Variants in TYW1 observed in about 807,000 individuals in gnomAD.
The protein encoded by TYW1 is tRNA-yW synthesizing protein 1 homolog.
Under a neutral mutation model 96.2 loss-of-function variants are expected in TYW1, and 46 were observed. The observed-to-expected ratio is 0.48, with a 90% CI of 0.38 to 0.61. The LOEUF is 0.61. Among genes scored for constraint, TYW1 ranks in the 20% least tolerant of loss-of-function variants. TYW1 has a pLI of 0.00. For missense variants in TYW1, 684 were observed against 909.6 expected (o/e 0.75, Z 3.19); for synonymous variants, 274 against 323.0 (o/e 0.85, Z 1.63).
intron 12 of TYW1, among the ~76,000 whole-genome samples, chr7:67,113,879 T>C (rs1303894263): frequency 6.6e-6 from 1 of 152,154 alleles, no homozygotes; most frequent in Non-Finnish European, 1.5e-5. Context: ...CCTCAGGTGA[T>C]CCTCCTGTCT....
intron 15 of TYW1, among the ~76,000 whole-genome samples, chr7:67,199,145 C>T (rs1039926004): frequency 6.6e-6 from 1 of 151,658 alleles, no homozygotes; most frequent in African/African-American, 2.4e-5. Flanking sequence ...TGCAGTGACC[C>T]GTGATTATGC....
chr7:67,020,652 T>G (rs1287404484), intron 6 of TYW1, among the ~76,000 whole-genome samples: 4 of 152,416 alleles, frequency 2.6e-5, no homozygotes, highest in Admixed American at 2.6e-4. Context: ...GCACCTAATC[T>G]GACTCTTGAA....
At chr7:67,166,650 A>AT (rs933429435) in intron 13 of TYW1, among the ~76,000 whole-genome samples, 3 of 151,788 alleles carry the variant, frequency 2.0e-5, no homozygotes, top group African/African-American at 7.3e-5. Flanking sequence ...GAATATATGT[A>AT]TTTTTTCTTT....
chr7:67,152,291 G>A (rs1477108996), intron 13 of TYW1, among the ~76,000 whole-genome samples: 1 of 152,186 alleles, frequency 6.6e-6, no homozygotes, highest in African/African-American at 2.4e-5. Flanking sequence ...CTCGGAAACT[G>A]CTCTGCTAAG....
At chr7:67,017,248 G>T (rs1794057245) in intron 5 of TYW1, among the ~76,000 whole-genome samples, 1 of 152,274 alleles carries the variant, frequency 6.6e-6, no homozygotes, top group Middle Eastern at 3.4e-3. Flanking sequence ...CTCCCAAAGT[G>T]CTGGGATTAC....
intron 13 of TYW1, among the ~76,000 whole-genome samples, chr7:67,131,459 A>G (rs1426253265): frequency 2.0e-5 from 3 of 152,186 alleles, no homozygotes; most frequent in Non-Finnish European, 4.4e-5. Flanking sequence ...TGTGGACCTC[A>G]TTTCTATCCT....
At chr7:67,050,735 T>A (rs1419080634) in intron 8 of TYW1, among the ~76,000 whole-genome samples, 5 of 152,204 alleles carry the variant, frequency 3.3e-5, no homozygotes, top group African/African-American at 7.2e-5. Context: ...GATTTAAATT[T>A]ATCTTGCTAT....
intron 9 of TYW1, among the ~76,000 whole-genome samples, chr7:67,063,479 T>C (rs1795758420): frequency 6.6e-6 from 1 of 152,194 alleles, no homozygotes; most frequent in Admixed American, 6.6e-5. Flanking sequence ...GAAATAAAGC[T>C]GTCTTGTTTT....
intron 13 of TYW1, among the ~76,000 whole-genome samples, chr7:67,119,420 C>A (rs1389718831): frequency 1.3e-5 from 2 of 152,132 alleles, no homozygotes; most frequent in Non-Finnish European, 2.9e-5. Context: ...CATTTTTCAC[C>A]GTATTCCCCA....
rs564179976 is a variant in TYW1 at position 67,127,423 on chromosome 7, G to C, written c.1698+9805G>C. Among the ~76,000 whole-genome samples the C allele has an allele frequency of 3.3e-5, 5 of 152,204 alleles. No homozygotes were observed. In the East Asian group the frequency reaches 9.7e-4, roughly 29 times the overall value. On this transcript the variant is annotated intron_variant, in intron 13 of 15. Coordinates refer to ENST00000359626, the MANE Select transcript of TYW1 (RefSeq NM_018264.4). ...GATCCACCTGGCTCGGCCTCCCAAA[G>C]TGCTGGGATTATAGGCTTGACCCAC...
At chr7:67,100,199 G>C (rs1380246301) in intron 12 of TYW1, among the ~76,000 whole-genome samples, 1 of 152,048 alleles carries the variant, frequency 6.6e-6, no homozygotes, top group Non-Finnish European at 1.5e-5. Context: ...AGGATGATGA[G>C]GTTGGGTTGG....
intron 14 of TYW1, among the ~76,000 whole-genome samples, chr7:67,188,333 T>C (rs1378986654): frequency 3.9e-5 from 6 of 151,916 alleles, no homozygotes; most frequent in African/African-American, 1.4e-4. Flanking sequence ...AAAAAATTAA[T>C]AAATAACAAC....
chr7:67,060,137 G>A (rs1244123304), intron 9 of TYW1, among the ~76,000 whole-genome samples: 6 of 151,894 alleles, frequency 4.0e-5, no homozygotes, highest in East Asian at 1.9e-4. Flanking sequence ...GTACAGTGGC[G>A]TGATCTTGGC....
chr7:67,056,303 C>G (rs556711972), intron 9 of TYW1, among the ~76,000 whole-genome samples: 58 of 152,122 alleles, frequency 3.8e-4, no homozygotes, highest in African/African-American at 1.4e-3. Context: ...ACCAGCCTGG[C>G]CAAAATGGTG....
chr7:67,213,428 T>A (rs1219302688), intron 15 of TYW1, among the ~76,000 whole-genome samples: 1 of 152,254 alleles, frequency 6.6e-6, no homozygotes, highest in Non-Finnish European at 1.5e-5. Context: ...ATATTTTGGA[T>A]GCAAATTGTT....
intron 13 of TYW1, among the ~76,000 whole-genome samples, chr7:67,155,158 G>T (rs1273946964): frequency 6.6e-6 from 1 of 152,018 alleles, no homozygotes; most frequent in Non-Finnish European, 1.5e-5. Flanking sequence ...TCTTTTACTG[G>T]AGAATTACGA....
intron 15 of TYW1, among the ~76,000 whole-genome samples, chr7:67,205,614 A>G (rs1292122357): frequency 0.021 from 3,138 of 147,910 alleles, 57 homozygotes; most frequent in Admixed American, 0.033. Flanking sequence ...GGAGTCAAGA[A>G]GAGTGCCTCA....
At chr7:67,232,154 C>T (rs1801769104) in intron 15 of TYW1, among the ~76,000 whole-genome samples, 1 of 151,820 alleles carries the variant, frequency 6.6e-6, no homozygotes, top group Admixed American at 6.6e-5. Flanking sequence ...TCTCTTGTAC[C>T]TGGGATGTAG....
intron 13 of TYW1, among the ~76,000 whole-genome samples, chr7:67,175,698 A>T (rs1799651595): frequency 6.6e-6 from 1 of 152,238 alleles, no homozygotes; most frequent in African/African-American, 2.4e-5. Flanking sequence ...TAAGGTTAAT[A>T]GATGCATAAA....
Sources: allele counts gnomAD v4.1 joint callset (sites outside exome capture counted in the v4.1 genomes callset), GRCh38; gene constraint gnomAD v4.1.1; transcripts MANE v1.5; gene names NCBI Gene and HGNC (gene_info 2026-07-23, HGNC 2026-07-21).